The following SLC25A48 variants were observed in gnomAD, a reference collection of about 807,000 sequenced individuals.
SLC25A48 encodes solute carrier family 25 member 48.
Under a neutral mutation model 32.2 loss-of-function variants are expected in SLC25A48, and 29 were observed. The observed-to-expected ratio is 0.90, with a 90% CI of 0.67 to 1.23. The LOEUF (loss-of-function observed/expected upper bound fraction) is 1.23. SLC25A48 is among the 50% of genes most tolerant of loss of function. The pLI is 0.00. For missense variants in SLC25A48, 399 were observed against 422.7 expected, an observed-to-expected ratio of 0.94 and a Z score of 0.49; for synonymous variants, 164 against 172.3, an observed-to-expected ratio of 0.95 and a Z score of 0.38.
chr5:135,678,725 G>A (rs1050625359), intron 3 of SLC25A48, among the ~76,000 whole-genome samples: 2 of 152,316 alleles, frequency 1.3e-5, no homozygotes, highest in Non-Finnish European at 2.9e-5. Flanking sequence ...GTGCTGGTTG[G>A]AAGGGTTCTT....
At chr5:135,859,752 C>T (rs1362588157) in intron 4 of SLC25A48, among the ~76,000 whole-genome samples, 1 of 152,080 alleles carries the variant, frequency 6.6e-6, no homozygotes, top group Non-Finnish European at 1.5e-5. Flanking sequence ...GCCACAGGAG[C>T]AGGGTTTGTG....
chr5:135,765,443 C>G (rs77080072), intron 3 of SLC25A48, among the ~76,000 whole-genome samples: 1 of 151,284 alleles, frequency 6.6e-6, no homozygotes, highest in Non-Finnish European at 1.5e-5. Flanking sequence ...TGATATTACT[C>G]ACCATATCGC....
chr5:135,589,350 T>C (rs1751453027), intron 1 of SLC25A48, among the ~76,000 whole-genome samples: 1 of 152,182 alleles, frequency 6.6e-6, no homozygotes, highest in Non-Finnish European at 1.5e-5. Flanking sequence ...CATGCTCCCA[T>C]AGTGCGACGA....
At chr5:135,838,695 G>C (rs1758740721) in intron 1 of SLC25A48, among the ~76,000 whole-genome samples, 1 of 152,264 alleles carries the variant, frequency 6.6e-6, no homozygotes, top group Non-Finnish European at 1.5e-5. Context: ...TGGCTTCAGA[G>C]GGTGCAAGCC....
intron 6 of SLC25A48, among the ~76,000 whole-genome samples, chr5:135,877,625 G>A (rs186665948): frequency 1.2e-3 from 179 of 152,334 alleles, no homozygotes; most frequent in African/African-American, 4.0e-3. Context: ...AGCGCTCGCA[G>A]GTGCTGGGGT....
Position 135,871,060 on chromosome 5 carries a change from G to GACAC in SLC25A48, c.422-353_422-350dup, listed in dbSNP as rs10569008. On this transcript the variant is annotated intron_variant, in intron 4 of 7. Coordinates refer to ENST00000681962, the MANE Select transcript of SLC25A48 (RefSeq NM_001349336.2). Reference sequence around the variant, plus strand: ...CTGTGCATAAATAAATGTGTACACAGACACACACACACACACACACACACA... The same window carrying GACAC: ...CTGTGCATAAATAAATGTGTACACAGACACACACACACACACACACACACACACA... 1.3e-3 allele frequency among the ~76,000 whole-genome samples: 178 copies of GACAC among 137,672 alleles called. 1 individual carries two copies. The highest frequency in any genetic ancestry group is 6.5e-3 in the South Asian group (25 of 3,830). 90.3% of individuals were successfully genotyped at this position (137,672 alleles called of 152,430 possible).
chr5:135,848,511 C>T (rs181134619), intron 2 of SLC25A48, among the ~76,000 whole-genome samples: 59 of 152,366 alleles, frequency 3.9e-4, no homozygotes, highest in African/African-American at 1.3e-3. Flanking sequence ...GTCTCCCCCA[C>T]TGAATTTAAA....
intron 5 of SLC25A48, 121 bp from the exon 6 acceptor site, chr5:135,873,900 G>A: frequency 1.7e-6 from 2 of 1,156,466 alleles, no homozygotes; most frequent in Non-Finnish European, 2.3e-6. Context: ...CAGGTTCTAA[G>A]CCTGAGCTCT....
chr5:135,666,707 A>C (rs1372134821), intron 3 of SLC25A48, among the ~76,000 whole-genome samples: 1 of 151,728 alleles, frequency 6.6e-6, no homozygotes, highest in Non-Finnish European at 1.5e-5. Flanking sequence ...GTTTAGGGGA[A>C]GGAAACCTTG....
chr5:135,800,814 C>G (rs950770546), intron 3 of SLC25A48, among the ~76,000 whole-genome samples: 1 of 151,490 alleles, frequency 6.6e-6, no homozygotes, highest in African/African-American at 2.4e-5. Context: ...ATAATACACC[C>G]CATATCGCTG....
intron 3 of SLC25A48, among the ~76,000 whole-genome samples, chr5:135,797,621 C>A (rs1757219159): frequency 6.6e-6 from 1 of 151,668 alleles, no homozygotes; most frequent in South Asian, 2.1e-4. Context: ...GATATGACTT[C>A]CAGTATCACA....
intron 3 of SLC25A48, among the ~76,000 whole-genome samples, chr5:135,809,983 G>T (rs571921724): frequency 1.3e-5 from 2 of 152,136 alleles, no homozygotes; most frequent in African/African-American, 4.8e-5. Flanking sequence ...GACCACAGGC[G>T]CAGGCCACTG....
intron 3 of SLC25A48, among the ~76,000 whole-genome samples, chr5:135,722,262 CT>C (rs1754973861): frequency 6.6e-6 from 1 of 152,208 alleles, no homozygotes; most frequent in Non-Finnish European, 1.5e-5. Context: ...GAAAGCAGCA[CT>C]TTGCCAGGCT....
chr5:135,664,952 G>C (rs936694621), intron 3 of SLC25A48, among the ~76,000 whole-genome samples: 2 of 152,188 alleles, frequency 1.3e-5, no homozygotes, highest in Non-Finnish European at 2.9e-5. Context: ...CAGTGGGATT[G>C]CTGGATTGAA....
chr5:135,624,703 C>G (rs1026214215), intron 1 of SLC25A48, among the ~76,000 whole-genome samples: 6 of 152,162 alleles, frequency 3.9e-5, no homozygotes, highest in African/African-American at 1.4e-4. Context: ...GGAACTTTAT[C>G]AAAAGTTGGT....
intron 3 of SLC25A48, among the ~76,000 whole-genome samples, chr5:135,710,654 T>A (rs6860305): frequency 0.71 from 107,456 of 152,146 alleles, 38,322 homozygotes; most frequent in Middle Eastern, 0.77. Flanking sequence ...CAAATTAGAC[T>A]TAACATAGGT....
intron 3 of SLC25A48, among the ~76,000 whole-genome samples, chr5:135,745,540 A>G (rs1223748721): frequency 1.3e-5 from 2 of 152,160 alleles, no homozygotes; most frequent in African/African-American, 4.8e-5. Context: ...TCCCTCTGGA[A>G]AAAAGGCCAG....
intron 3 of SLC25A48, among the ~76,000 whole-genome samples, chr5:135,693,873 G>T (rs1186397670): frequency 1.3e-5 from 2 of 152,204 alleles, no homozygotes; most frequent in Non-Finnish European, 2.9e-5. Flanking sequence ...TGGGGCGATG[G>T]GCCTCCCCAG....
chr5:135,623,015 T>G (rs1422136087), intron 1 of SLC25A48, among the ~76,000 whole-genome samples: 1 of 152,138 alleles, frequency 6.6e-6, no homozygotes, highest in East Asian at 1.9e-4. Context: ...CTGAAACCCC[T>G]TCTGAGTCAA....
Sources: gnomAD v4.1 joint callset for allele counts (sites outside exome capture counted in the v4.1 genomes callset) on GRCh38, gnomAD v4.1.1 for gene constraint, MANE v1.5 for transcripts, NCBI Gene and HGNC (gene_info 2026-07-23, HGNC 2026-07-21) for gene names.